The following SRBD1 variants were observed in gnomAD, a reference collection of about 807,000 sequenced individuals.
SRBD1 encodes S1 RNA-binding domain-containing protein 1.
Under a neutral mutation model 115.3 loss-of-function variants are expected in SRBD1, and 88 were observed. That is an observed-to-expected ratio of 0.76 (90% CI 0.64 to 0.91). The LOEUF (loss-of-function observed/expected upper bound fraction) is 0.91, where lower values mean the gene tolerates loss of function less well. Ranked by LOEUF, SRBD1 falls within the 40% of genes least tolerant of loss-of-function variation. The probability of loss-of-function intolerance (pLI) is 0.00; values close to 1 mark genes in which losing one functional copy is unlikely to be tolerated. For synonymous variants in SRBD1, 509 were observed against 407.7 expected, an observed-to-expected ratio of 1.25 and a Z score of -2.99; for missense variants, 1,385 against 1,177.4, an observed-to-expected ratio of 1.18 and a Z score of -2.58.
At chr2:45,553,771 T>C (rs775557470) in intron 10 of SRBD1, 41 bp from the exon 11 acceptor site, 2 of 1,349,908 alleles carry the variant, frequency 1.5e-6, no homozygotes, top group Non-Finnish European at 2.0e-6. Context: ...GATGCAACAA[T>C]AAATAAGGCC....
chr2:45,558,685 A>ATTTTTTTTT (rs1214807980), intron 10 of SRBD1, among the ~76,000 whole-genome samples: 3 of 89,528 alleles, frequency 3.4e-5, no homozygotes, highest in Non-Finnish European at 6.5e-5. Flanking sequence ...CCACACAATT[A>ATTTTTTTTT]TTTTTTTTTT....
intron 14 of SRBD1, among the ~76,000 whole-genome samples, chr2:45,504,382 T>G (rs948439922): frequency 6.6e-6 from 1 of 152,128 alleles, no homozygotes; most frequent in Non-Finnish European, 1.5e-5. Flanking sequence ...TTCTTTATGT[T>G]TTTTGCAATT....
At chr2:45,420,656 G>A (rs542218803) in intron 16 of SRBD1, among the ~76,000 whole-genome samples, 4 of 152,270 alleles carry the variant, frequency 2.6e-5, no homozygotes, top group African/African-American at 9.6e-5. Flanking sequence ...CACATTCAGT[G>A]TTCAACTCTT....
At chr2:45,432,263 A>G (rs1167189606) in intron 16 of SRBD1, among the ~76,000 whole-genome samples, 2 of 152,104 alleles carry the variant, frequency 1.3e-5, no homozygotes, top group African/African-American at 4.8e-5. Context: ...TCCCGACCTC[A>G]GGTGATCCGC....
intron 19 of SRBD1, among the ~76,000 whole-genome samples, chr2:45,411,123 G>C (rs1300084356): frequency 6.6e-6 from 1 of 152,138 alleles, no homozygotes; most frequent in Admixed American, 6.5e-5. Context: ...CAACCTGTGG[G>C]ATCTGACACT....
chr2:45,539,310 G>A (rs1356467307), intron 14 of SRBD1, among the ~76,000 whole-genome samples: 1 of 151,996 alleles, frequency 6.6e-6, no homozygotes, highest in Non-Finnish European at 1.5e-5. Context: ...GGCATCTGCT[G>A]AACCAAGTGC....
At chr2:45,596,688 C>A (rs1284151987) in intron 4 of SRBD1, among the ~76,000 whole-genome samples, 1 of 152,098 alleles carries the variant, frequency 6.6e-6, no homozygotes, top group Non-Finnish European at 1.5e-5. Context: ...GTGCCTAGTA[C>A]AGAGCCGAGC....
intron 16 of SRBD1, among the ~76,000 whole-genome samples, chr2:45,472,668 A>G (rs138708984): frequency 6.6e-6 from 1 of 152,288 alleles, no homozygotes; most frequent in Non-Finnish European, 1.5e-5. Context: ...TAAAATGTAT[A>G]TATTAATATG....
intron 4 of SRBD1, among the ~76,000 whole-genome samples, chr2:45,587,470 A>C (rs1030232655): frequency 3.3e-5 from 5 of 152,140 alleles, no homozygotes; most frequent in Non-Finnish European, 7.4e-5. Context: ...TTTCAAAGTA[A>C]AGAACAAAAG....
chr2:45,482,642 A>G (rs1670001210), intron 15 of SRBD1, among the ~76,000 whole-genome samples: 1 of 151,820 alleles, frequency 6.6e-6, no homozygotes, highest in South Asian at 2.1e-4. Flanking sequence ...ACACACACAC[A>G]CACAAACCCA....
At chr2:45,562,833 C>G in intron 9 of SRBD1, 77 bp from the exon 10 acceptor site, 2 of 855,388 alleles carry the variant, frequency 2.3e-6, no homozygotes, top group Non-Finnish European at 3.6e-6. Context: ...TAGCTGACAG[C>G]TATATGAATT....
chr2:45,511,654 A>G (rs1033648975), intron 14 of SRBD1, among the ~76,000 whole-genome samples: 11 of 152,218 alleles, frequency 7.2e-5, no homozygotes, highest in Admixed American at 2.0e-4. Flanking sequence ...GCGAGAAACA[A>G]TGTTATCGGC....
chr2:45,423,268 G>A lies in SRBD1; in HGVS notation c.2050-3374C>T, dbSNP rs115824839. On this transcript the variant is annotated intron_variant, in intron 16 of 20. Coordinates refer to ENST00000263736, the MANE Select transcript of SRBD1 (RefSeq NM_018079.5). ...GAAAATAACAAATATTGATGTGAAT[G>A]TGAAGCAAATGGAATGCTCAAGTGA... 6.8e-3 allele frequency among the ~76,000 whole-genome samples: 1,043 copies of A among 152,280 alleles called. 15 individuals carry two copies. Among genetic ancestry groups the A allele is most frequent in the African/African-American group, 0.024 (993 of 41,562 alleles).
At chr2:45,434,045 T>C (rs1240927645) in intron 16 of SRBD1, among the ~76,000 whole-genome samples, 1 of 152,168 alleles carries the variant, frequency 6.6e-6, no homozygotes, top group African/African-American at 2.4e-5. Context: ...GAAGACATTC[T>C]CTTTGCAAAT....
chr2:45,403,434 G>A (rs1558554705), intron 19 of SRBD1, among the ~76,000 whole-genome samples: 1 of 151,862 alleles, frequency 6.6e-6, no homozygotes, highest in Non-Finnish European at 1.5e-5. Context: ...CTTTTATGTA[G>A]TCATCTTTCA....
At chr2:45,591,512 C>T (rs1239327234) in intron 4 of SRBD1, among the ~76,000 whole-genome samples, 1 of 152,166 alleles carries the variant, frequency 6.6e-6, no homozygotes, top group African/African-American at 2.4e-5. Context: ...GATAAATAGG[C>T]TCTGTGTAGG....
intron 15 of SRBD1, among the ~76,000 whole-genome samples, chr2:45,483,304 C>T (rs1314617732): frequency 6.6e-6 from 1 of 151,862 alleles, no homozygotes; most frequent in African/African-American, 2.4e-5. Context: ...AAAAGTTAAG[C>T]ATTAGAGAAA....
chr2:45,594,500 T>C (rs1673831813), intron 4 of SRBD1, among the ~76,000 whole-genome samples: 1 of 152,194 alleles, frequency 6.6e-6, no homozygotes, highest in African/African-American at 2.4e-5. Context: ...AAAACATATC[T>C]GCAAAATAAC....
intron 16 of SRBD1, among the ~76,000 whole-genome samples, chr2:45,467,630 TA>T (rs1553336898): frequency 6.6e-6 from 1 of 152,210 alleles, no homozygotes; most frequent in Non-Finnish European, 1.5e-5. Context: ...TGAGATAAGA[TA>T]TTTTTTAAGA....
Sources: allele counts gnomAD v4.1 joint callset (sites outside exome capture counted in the v4.1 genomes callset), GRCh38; gene constraint gnomAD v4.1.1; transcripts MANE v1.5; gene names NCBI Gene and HGNC (gene_info 2026-07-23, HGNC 2026-07-21).